Variants in MGAT4C observed in about 807,000 individuals in gnomAD.
MGAT4C encodes the protein alpha-1,3-mannosyl-glycoprotein 4-beta-N-acetylglucosaminyltransferase C.
Under a neutral mutation model 40.1 loss-of-function variants are expected in MGAT4C, and 19 were observed. The observed-to-expected ratio is 0.47, with a 90% CI of 0.33 to 0.70. The LOEUF is 0.70. Among genes scored for constraint, MGAT4C ranks in the 30% least tolerant of loss-of-function variants. The pLI is 0.02. For missense variants in MGAT4C, 491 were observed against 563.2 expected (o/e 0.87, Z 1.30); for synonymous variants, 181 against 187.1 (o/e 0.97, Z 0.27).
chr12:86,048,134 GA>G (rs1278796969), intron 2 of MGAT4C, among the ~76,000 whole-genome samples: 1 of 152,038 alleles, frequency 6.6e-6, no homozygotes, highest in Non-Finnish European at 1.5e-5. Context: ...TCACCATAAA[GA>G]AGAACAAAAT....
intron 1 of MGAT4C, among the ~76,000 whole-genome samples, chr12:86,212,396 G>A (rs997754840): frequency 3.3e-5 from 5 of 151,994 alleles, no homozygotes; most frequent in Non-Finnish European, 5.9e-5. Flanking sequence ...TCCATGAAGA[G>A]GAGGAAAATA....
chr12:86,774,342 TCTCTCTCTCTCCCCTCTC>T (rs1565981670), intron 1 of MGAT4C, among the ~76,000 whole-genome samples: 31 of 88,204 alleles, frequency 3.5e-4, no homozygotes, highest in South Asian at 9.5e-4. Context: ...TTTCTTTCTG[TCTCTCTCTCTCCCCTCTC>T]TCTCTCTCTC....
chr12:86,632,973 C>A (rs1226711658), intron 2 of MGAT4C, among the ~76,000 whole-genome samples: 1 of 151,904 alleles, frequency 6.6e-6, no homozygotes, highest in Non-Finnish European at 1.5e-5. Flanking sequence ...ACAATATTTA[C>A]ACATAAAAAG....
At chr12:86,408,514 T>TATATATATATATATA (rs1956533603) in intron 3 of MGAT4C, among the ~76,000 whole-genome samples, 14 of 138,690 alleles carry the variant, frequency 1.0e-4, no homozygotes, top group African/African-American at 2.9e-4. Flanking sequence ...TATATATATA[T>TATATATATATATATA]TCTTGCATAT....
chr12:86,734,613 GCTT>G (rs1196647619), intron 1 of MGAT4C, among the ~76,000 whole-genome samples: 2 of 151,992 alleles, frequency 1.3e-5, no homozygotes, highest in Non-Finnish European at 2.9e-5. Flanking sequence ...AAGAGAGCTT[GCTT>G]CTTCTCTCTC....
At chr12:86,782,939 G>A (rs1490119852) in intron 1 of MGAT4C, among the ~76,000 whole-genome samples, 2 of 152,004 alleles carry the variant, frequency 1.3e-5, no homozygotes, top group African/African-American at 2.4e-5. Flanking sequence ...AATCCAAACC[G>A]GTCTGTAGTA....
At chr12:86,757,415 C>G (rs188211069) in intron 1 of MGAT4C, among the ~76,000 whole-genome samples, 1 of 152,042 alleles carries the variant, frequency 6.6e-6, no homozygotes, top group African/African-American at 2.4e-5. Context: ...CAAAAACTTA[C>G]TTTGTGCATT....
At chr12:86,587,378 A>G (rs1362690067) in intron 2 of MGAT4C, among the ~76,000 whole-genome samples, 1 of 152,112 alleles carries the variant, frequency 6.6e-6, no homozygotes, top group African/African-American at 2.4e-5. Context: ...GTTTGAAGTC[A>G]GGTAGTGTGA....
intron 1 of MGAT4C, among the ~76,000 whole-genome samples, chr12:86,837,852 T>G (rs964191607): frequency 3.3e-5 from 5 of 152,176 alleles, no homozygotes; most frequent in Non-Finnish European, 7.3e-5. Flanking sequence ...GAAGTCACCT[T>G]TGCTGTTCTA....
rs141280806 is a variant in MGAT4C at position 86,467,747 on chromosome 12, T to G, written c.-228-32482A>C. ...TCTCTGAAAACAGCTTTCTCTTCAA[T>G]TAAGAAATGTTTATCTTTTTTACTC... On this transcript the variant is annotated intron_variant, in intron 2 of 7. Transcript: ENST00000548651. Among the ~76,000 whole-genome samples the G allele has an allele frequency of 4.8e-3, 729 of 152,252 alleles. 4 individuals carry two copies. The highest frequency in any genetic ancestry group is 5.6e-3 in the Non-Finnish European group (384 of 67,976).
At chr12:86,329,574 C>A (rs551589883) in intron 4 of MGAT4C, among the ~76,000 whole-genome samples, 209 of 152,264 alleles carry the variant, frequency 1.4e-3, no homozygotes, top group Admixed American at 3.7e-3. Context: ...AAGAATCCCT[C>A]AGTTTTCTTC....
chr12:86,332,420 C>CA lies in MGAT4C; in HGVS notation c.-57+1644dup, dbSNP rs372785859. 6.2e-3 allele frequency among the ~76,000 whole-genome samples: 899 copies of CA among 144,052 alleles called. 7 individuals are homozygous for CA. Among genetic ancestry groups the CA allele is most frequent in the African/African-American group, 0.021 (824 of 39,244 alleles). The allele number at this position is 144,052 out of a possible 152,430, so 94.5% of individuals were successfully genotyped here. On this transcript the variant is annotated intron_variant, in intron 4 of 7. Coordinates refer to the MGAT4C transcript ENST00000548651. ...TTTTTGGTATTTGCCAAGTATCTCT[C>CA]AAAAAAAAAGAAAAAAAAAGCCCCA...
intron 1 of MGAT4C, among the ~76,000 whole-genome samples, chr12:86,243,193 A>G (rs1288564408): frequency 2.0e-5 from 3 of 152,206 alleles, no homozygotes; most frequent in Non-Finnish European, 4.4e-5. Context: ...TCTGGCTCCA[A>G]TAATCAATTT....
chr12:86,824,869 G>GA (rs1322510369), intron 1 of MGAT4C, among the ~76,000 whole-genome samples: 1 of 151,022 alleles, frequency 6.6e-6, no homozygotes, highest in Non-Finnish European at 1.5e-5. Context: ...GATTAAAATG[G>GA]AAAAATACCT....
intron 2 of MGAT4C, among the ~76,000 whole-genome samples, chr12:86,613,412 C>T (rs902274782): frequency 1.1e-4 from 16 of 152,012 alleles, no homozygotes; most frequent in African/African-American, 2.7e-4. Context: ...GCAATCAATC[C>T]GACAAAGTAA....
At chr12:86,483,528 T>C (rs1267137435) in intron 2 of MGAT4C, among the ~76,000 whole-genome samples, 1 of 151,920 alleles carries the variant, frequency 6.6e-6, no homozygotes. Context: ...GTGCAAATTA[T>C]TGGAAGTACA....
chr12:86,437,299 T>C (rs1390437898), intron 2 of MGAT4C, among the ~76,000 whole-genome samples: 1 of 151,820 alleles, frequency 6.6e-6, no homozygotes, highest in African/African-American at 2.4e-5. Flanking sequence ...TATATACCTA[T>C]GTATATCTAC....
intron 3 of MGAT4C, among the ~76,000 whole-genome samples, chr12:86,402,367 G>C (rs578117835): frequency 6.6e-6 from 1 of 152,244 alleles, no homozygotes; most frequent in East Asian, 1.9e-4. Flanking sequence ...GGAGGTTGCA[G>C]TGAGCCAAGA....
intron 1 of MGAT4C, among the ~76,000 whole-genome samples, chr12:86,113,683 A>T (rs577158467): frequency 4.1e-4 from 62 of 151,986 alleles, no homozygotes; most frequent in African/African-American, 1.3e-3. Flanking sequence ...CCTTGTCTGT[A>T]TTCAAGAAAC....
Sources: allele counts gnomAD v4.1 joint callset (sites outside exome capture counted in the v4.1 genomes callset), GRCh38; gene constraint gnomAD v4.1.1; transcripts MANE v1.5; gene names NCBI Gene and HGNC (gene_info 2026-07-23, HGNC 2026-07-21).